Variants in MTUS2 observed in about 807,000 individuals in gnomAD.
MTUS2 encodes microtubule associated scaffold protein 2, also known as microtubule-associated tumor suppressor candidate 2.
A neutral mutation model predicts 114.1 loss-of-function variants in MTUS2; 40 were observed. That is an observed-to-expected ratio of 0.35 (90% CI 0.27 to 0.46). MTUS2 has a LOEUF of 0.46. MTUS2 is among the 20% of genes least tolerant of loss of function. The probability of loss-of-function intolerance (pLI) is 1.00; values close to 1 mark genes in which losing one functional copy is unlikely to be tolerated. For synonymous variants in MTUS2, 688 were observed against 672.0 expected (o/e 1.02, Z -0.37); for missense variants, 1,679 against 1,705.4 (o/e 0.98, Z 0.27).
At chr13:29,352,829 T>C (rs1000719917) in intron 7 of MTUS2, among the ~76,000 whole-genome samples, 1 of 152,240 alleles carries the variant, frequency 6.6e-6, no homozygotes, top group African/African-American at 2.4e-5. Context: ...ACTAATCTTT[T>C]CTTTTGCAGT....
intron 2 of MTUS2, among the ~76,000 whole-genome samples, chr13:28,841,752 T>C (rs972819966): frequency 6.6e-6 from 1 of 152,006 alleles, no homozygotes; most frequent in Admixed American, 6.6e-5. Context: ...AGCGGCGTGA[T>C]CTCCGCTCAC....
intron 5 of MTUS2, among the ~76,000 whole-genome samples, chr13:29,277,257 C>T (rs1898099881): frequency 1.3e-5 from 2 of 152,070 alleles, no homozygotes; most frequent in South Asian, 4.1e-4. Context: ...TAACGTGGTC[C>T]TAGGGTATAA....
chr13:29,502,201 G>C (rs1243711446), intron 15 of MTUS2, among the ~76,000 whole-genome samples: 1 of 152,250 alleles, frequency 6.6e-6, no homozygotes, highest in Non-Finnish European at 1.5e-5. Context: ...AGCAAGTGCA[G>C]ACTTTATCCA....
intron 2 of MTUS2, among the ~76,000 whole-genome samples, chr13:28,906,902 C>A (rs868558347): frequency 6.6e-6 from 1 of 151,196 alleles, no homozygotes; most frequent in African/African-American, 2.4e-5. Flanking sequence ...ATACAGAGAA[C>A]GCCACAAAGA....
At chr13:29,352,293 C>A (rs778862290) in intron 7 of MTUS2, among the ~76,000 whole-genome samples, 1 of 152,192 alleles carries the variant, frequency 6.6e-6, no homozygotes, top group Non-Finnish European at 1.5e-5. Context: ...ATGTAAAGCA[C>A]CAACACGTCA....
At chr13:29,173,967 G>A (rs1349054239) in intron 5 of MTUS2, among the ~76,000 whole-genome samples, 2 of 152,020 alleles carry the variant, frequency 1.3e-5, no homozygotes, top group Admixed American at 6.6e-5. Flanking sequence ...GCATTTTCCT[G>A]TTCTATTCTA....
At chr13:29,054,820 A>T (rs752189459) in intron 4 of MTUS2, among the ~76,000 whole-genome samples, 5 of 152,106 alleles carry the variant, frequency 3.3e-5, no homozygotes, top group Admixed American at 6.6e-5. Context: ...AATTTCTCTC[A>T]TGACATATTT....
chr13:29,011,629 T>A (rs191237507), intron 2 of MTUS2, among the ~76,000 whole-genome samples: 9 of 152,210 alleles, frequency 5.9e-5, no homozygotes, highest in African/African-American at 2.2e-4. Flanking sequence ...CTGAATAATA[T>A]GGTTTTTCCT....
intron 1 of MTUS2, among the ~76,000 whole-genome samples, chr13:28,832,050 C>CA (rs1209655892): frequency 1.3e-5 from 2 of 152,104 alleles, no homozygotes; most frequent in Non-Finnish European, 2.9e-5. Context: ...AGGTGTGAGC[C>CA]ACTGTGCCTG....
intron 2 of MTUS2, among the ~76,000 whole-genome samples, chr13:29,005,298 G>T (rs1188268466): frequency 1.3e-5 from 2 of 152,170 alleles, no homozygotes; most frequent in Non-Finnish European, 2.9e-5. Context: ...GGAGTTCTTA[G>T]GGGAAGTAGT....
chr13:29,208,988 G>C (rs1229513454), intron 5 of MTUS2, among the ~76,000 whole-genome samples: 1 of 152,064 alleles, frequency 6.6e-6, no homozygotes, highest in East Asian at 1.9e-4. Flanking sequence ...TTGACTTTCT[G>C]TCTTGATGAC....
At chr13:29,362,256 A>T (rs955739194) in intron 8 of MTUS2, among the ~76,000 whole-genome samples, 5 of 152,154 alleles carry the variant, frequency 3.3e-5, no homozygotes, top group Non-Finnish European at 5.9e-5. Flanking sequence ...AAGCACTGTG[A>T]TTACAGGCAT....
intron 2 of MTUS2, among the ~76,000 whole-genome samples, chr13:29,006,672 G>A (rs1027369136): frequency 6.6e-6 from 1 of 152,162 alleles, no homozygotes; most frequent in Non-Finnish European, 1.5e-5. Flanking sequence ...GCAGGTTTTT[G>A]TTTGTTCATT....
At chr13:29,103,809 T>C (rs1438307740) in intron 5 of MTUS2, among the ~76,000 whole-genome samples, 2 of 152,224 alleles carry the variant, frequency 1.3e-5, no homozygotes, top group African/African-American at 4.8e-5. Context: ...GCATATGGTA[T>C]TTGCAAAGTA....
At chr13:29,389,371 GTGTA>G (rs1209418424) in intron 8 of MTUS2, among the ~76,000 whole-genome samples, 1 of 64,356 alleles carries the variant, frequency 1.6e-5, no homozygotes, top group Non-Finnish European at 3.6e-5. Context: ...ATGCACGTGT[GTGTA>G]TATATGTATA....
chr13:28,987,860 T>C (rs529933486), intron 2 of MTUS2, among the ~76,000 whole-genome samples: 40 of 152,346 alleles, frequency 2.6e-4, no homozygotes, highest in Admixed American at 1.9e-3. Flanking sequence ...ACAATTTTTG[T>C]GTTTTTTACC....
At chr13:29,280,637 T>A (rs907619297) in intron 5 of MTUS2, among the ~76,000 whole-genome samples, 3 of 152,324 alleles carry the variant, frequency 2.0e-5, no homozygotes, top group African/African-American at 7.2e-5. Context: ...AAACAAAAAA[T>A]TTAATCCTTT....
intron 9 of MTUS2, among the ~76,000 whole-genome samples, chr13:29,441,745 T>TG (rs1196337315): frequency 6.6e-6 from 1 of 152,126 alleles, no homozygotes; most frequent in Non-Finnish European, 1.5e-5. Context: ...CCCATGTGAT[T>TG]GGCTGCCCTC....
chr13:29,439,759 G>A (rs1382740385), intron 8 of MTUS2, among the ~76,000 whole-genome samples: 1 of 152,056 alleles, frequency 6.6e-6, no homozygotes, highest in Admixed American at 6.6e-5. Context: ...ACAACCACGG[G>A]TATTATTAAT....
Sources: allele counts gnomAD v4.1 joint callset (sites outside exome capture counted in the v4.1 genomes callset), GRCh38; gene constraint gnomAD v4.1.1; transcripts MANE v1.5; gene names NCBI Gene and HGNC (gene_info 2026-07-23, HGNC 2026-07-21).